The following SLC11A2 variants were observed in gnomAD, a reference collection of about 807,000 sequenced individuals.
The protein encoded by SLC11A2 is natural resistance-associated macrophage protein 2.
SLC11A2 carries 38 observed loss-of-function variants against 68.0 expected under a neutral mutation model. The observed-to-expected ratio is 0.56, with a 90% confidence interval of 0.43 to 0.73. The LOEUF is 0.73. Among genes scored for constraint, SLC11A2 ranks in the 30% least tolerant of loss-of-function variants. SLC11A2 has a pLI of 0.00. For synonymous variants in SLC11A2, 242 were observed against 250.6 expected (o/e 0.97, Z 0.32); for missense variants, 517 against 690.5 (o/e 0.75, Z 2.82).
At chr12:50,968,129 A>G in the SLC11A2 span, among the ~76,000 whole-genome samples, 37 of 145,814 alleles carry the variant, frequency 2.5e-4, no homozygotes, top group Admixed American at 2.5e-3. Flanking sequence ...GGAGGAGGAG[A>G]ATGAGGAGGA....
the SLC11A2 span, among the ~76,000 whole-genome samples, chr12:50,973,265 C>T: frequency 6.6e-6 from 1 of 152,182 alleles, no homozygotes; most frequent in South Asian, 2.1e-4. Flanking sequence ...TGACACCTCA[C>T]ACGGCCGGGT....
chr12:51,001,090 G>A (rs536139533), intron 5 of SLC11A2, among the ~76,000 whole-genome samples: 3 of 151,852 alleles, frequency 2.0e-5, no homozygotes, highest in South Asian at 4.2e-4. Flanking sequence ...GCTTGAACCC[G>A]GGAGGCGAAG....
At chr12:50,998,148 A>C (rs1411758609) in intron 8 of SLC11A2, among the ~76,000 whole-genome samples, 1 of 152,042 alleles carries the variant, frequency 6.6e-6, no homozygotes, top group Non-Finnish European at 1.5e-5. Context: ...ACTTGAGGTC[A>C]GCAGTTCAAG....
At chr12:51,022,347 G>A (rs571032471) in intron 1 of SLC11A2, among the ~76,000 whole-genome samples, 1 of 150,546 alleles carries the variant, frequency 6.6e-6, no homozygotes, top group South Asian at 2.1e-4. Context: ...TGAGGCGGGA[G>A]GATTGCGTGA....
downstream of SLC11A2, among the ~76,000 whole-genome samples, chr12:50,982,242 A>G (rs1371301967): frequency 6.6e-6 from 1 of 150,520 alleles, no homozygotes; most frequent in Non-Finnish European, 1.5e-5. Flanking sequence ...AAACAAAAAC[A>G]TGAAATGGCA....
At chr12:50,978,679 G>C (rs563824475), downstream of SLC11A2, among the ~76,000 whole-genome samples, 1 of 152,114 alleles carries the variant, frequency 6.6e-6, no homozygotes, top group East Asian at 1.9e-4. Context: ...TTGAAGAAAA[G>C]TTAGGAAGTA....
In SLC11A2 at chr12:50,987,595, A is replaced by T; in HGVS notation, c.*730T>A. 1.6e-6 allele frequency: 2 copies of T among 1,287,140 alleles called. No homozygotes were observed. The highest frequency in any genetic ancestry group is 2.0e-6 in the Non-Finnish European group (2 of 988,658). The allele number at this position is 1,287,140 out of a possible 1,614,324, so 79.7% of individuals were successfully genotyped here. On this transcript the variant is annotated 3_prime_UTR_variant, in exon 16 of 16. Transcript: ENST00000262052. Reference sequence around the variant, plus strand: ...CTGTACTAACAGGCAGGTTATTAAGACTCCCAAGAAATCCTCATAAGCTTT... The same window carrying T: ...CTGTACTAACAGGCAGGTTATTAAGTCTCCCAAGAAATCCTCATAAGCTTT...
At position 50,988,158 on chromosome 12, in the gene SLC11A2, A is replaced by C. The variant is rs529830430; in HGVS notation, c.*167T>G. 32 of 1,524,534 alleles carry C rather than the reference A, an allele frequency of 2.1e-5. No homozygotes were observed. The African/African-American group carries it at 3.6e-4, about 17-fold the overall frequency. The allele number at this position is 1,524,534 out of a possible 1,614,324, so 94.4% of individuals were successfully genotyped here. ...TCTAAGGTTAGGTCAGGAAGGAAAA[A>C]ATAATTCCATCTTTCAAATACACAT... On this transcript the variant is annotated 3_prime_UTR_variant, in exon 16 of 16. Transcript: ENST00000262052.
intron 5 of SLC11A2, among the ~76,000 whole-genome samples, chr12:51,002,800 C>T (rs1942379425): frequency 6.6e-6 from 1 of 150,494 alleles, no homozygotes; most frequent in South Asian, 2.1e-4. Context: ...ATTGGCCAGG[C>T]GTGGTGATGC....
Position 50,986,528 on chromosome 12 carries a change from G to T in SLC11A2, c.*1797C>A, listed in dbSNP as rs1261410748. The T allele has an allele frequency of 7.8e-7, 1 of 1,287,004 alleles. No individual in the cohort carries two copies. The highest frequency in any genetic ancestry group is 1.0e-6 in the Non-Finnish European group (1 of 988,616). 79.7% of individuals were successfully genotyped at this position (1,287,004 alleles called of 1,614,324 possible). A position where few individuals can be genotyped will look rare whatever the true frequency, so the allele number is the denominator to read the frequency against. On this transcript the variant is annotated 3_prime_UTR_variant, in exon 16 of 16. Transcript: ENST00000262052. ...ATCTGAGACTGACTGGACCCACCCA[G>T]ACCCAGGGCAAAGATACATGTTACC...
At chr12:50,984,564 T>C (rs1940365326), downstream of SLC11A2, among the ~76,000 whole-genome samples, 1 of 152,160 alleles carries the variant, frequency 6.6e-6, no homozygotes, top group Non-Finnish European at 1.5e-5. Flanking sequence ...ATGTTTGTTA[T>C]ATTGTTCTGA....
intron 1 of SLC11A2, 92 bp downstream of exon 1, chr12:51,026,218 G>C (rs1944376115): frequency 8.2e-7 from 1 of 1,216,914 alleles, no homozygotes; most frequent in South Asian, 1.4e-5. Flanking sequence ...TAGCCCCGGA[G>C]CCTGACCCCC....
At chr12:51,026,010 G>A in intron 1 of SLC11A2, 10 of 1,030,136 alleles carry the variant, frequency 9.7e-6, no homozygotes, top group Non-Finnish European at 1.1e-5. Context: ...ATCCGGTGCA[G>A]CTGGGAGCTG....
At chr12:50,990,330 G>A (rs1473732693) in intron 15 of SLC11A2, among the ~76,000 whole-genome samples, 1 of 151,994 alleles carries the variant, frequency 6.6e-6, no homozygotes, top group Non-Finnish European at 1.5e-5. Flanking sequence ...CCTCTGTTTT[G>A]TACCGTTCTC....
At chr12:50,994,943 C>A in intron 10 of SLC11A2, 1 of 366,936 alleles carries the variant, frequency 2.7e-6, no homozygotes, top group South Asian at 2.4e-5. Flanking sequence ...GAGAGAACAC[C>A]CAGAATAGAA....
intron 5 of SLC11A2, among the ~76,000 whole-genome samples, chr12:51,002,970 G>C (rs566459197): frequency 6.6e-5 from 10 of 151,288 alleles, no homozygotes; most frequent in African/African-American, 2.4e-4. Context: ...AGGCGCAGTG[G>C]CTCACGTCTG....
At chr12:50,993,510 T>C (rs1372358979) in intron 11 of SLC11A2, among the ~76,000 whole-genome samples, 5 of 151,488 alleles carry the variant, frequency 3.3e-5, no homozygotes, top group African/African-American at 7.3e-5. Flanking sequence ...CTAGGCAACA[T>C]GGCAAATACC....
At position 51,026,363 on chromosome 12, in the gene SLC11A2, T is replaced by G. The variant is rs928148904; in HGVS notation, c.-92A>C. ...CCGCCCCCGCGCCCAGGGCTCCATA[T>G]TCCGGGAGCCAGCGCCACGCTGGCT... is the stretch of plus-strand genomic sequence containing the variant. On this transcript the variant is annotated 5_prime_UTR_variant, in exon 1 of 16. Transcript: ENST00000262052. 7 of 1,281,100 alleles carry G rather than the reference T, an allele frequency of 5.5e-6. No individual in the cohort carries two copies. In the African/African-American group the frequency reaches 9.1e-5, roughly 17 times the overall value. The allele number at this position is 1,281,100 out of a possible 1,614,324, so 79.4% of individuals were successfully genotyped here.
At chr12:50,973,615 A>C in the SLC11A2 span, among the ~76,000 whole-genome samples, 1 of 152,250 alleles carries the variant, frequency 6.6e-6, no homozygotes, top group African/African-American at 2.4e-5. Flanking sequence ...GCTCCTCACC[A>C]GCAATGGAAC....
Sources: allele counts gnomAD v4.1 joint callset (sites outside exome capture counted in the v4.1 genomes callset), GRCh38; gene constraint gnomAD v4.1.1; transcripts MANE v1.5; gene names NCBI Gene and HGNC (gene_info 2026-07-23, HGNC 2026-07-21).